The following RIMS3 variants were observed in gnomAD, a reference collection of about 807,000 sequenced individuals.
RIMS3 encodes regulating synaptic membrane exocytosis protein 3.
A neutral mutation model predicts 29.2 loss-of-function variants in RIMS3; 15 were observed. That is an observed-to-expected ratio of 0.51 (90% CI 0.34 to 0.79). The LOEUF (loss-of-function observed/expected upper bound fraction) is 0.79. Ranked by LOEUF, RIMS3 falls within the 30% of genes least tolerant of loss-of-function variation. The pLI is 0.01. For missense variants in RIMS3, 342 were observed against 421.4 expected (o/e 0.81, Z 1.65); for synonymous variants, 161 against 170.1 (o/e 0.95, Z 0.41).
Position 40,636,447 on chromosome 1 carries a change from A to G in RIMS3, c.218-390T>C, listed in dbSNP as rs1347957259. On this transcript the variant is annotated intron_variant, in intron 3 of 7. Transcript: ENST00000372684. This position sits in a 1 kb window ranked among gnomAD's most constrained non-coding sequence, Gnocchi z 4.2. ...TGTGCCTCTTCCCACTCTCTTCTGG[A>G]AAGTTCATCTTCTCTGGGATTCTCA... Among the ~76,000 whole-genome samples, 2 of 152,050 alleles carry G rather than the reference A, an allele frequency of 1.3e-5. No individual in the cohort carries two copies. The highest frequency in any genetic ancestry group is 2.4e-5 in the African/African-American group (1 of 41,374).
rs746393197 is a variant in RIMS3, at chr1:40,635,962, G to A, written c.313C>T (p.Arg105Trp). ...MRSRVTRQGS[R>W]ESTDGSTNSN... ...TTGGTGCTCCCATCGGTGGACTCCC[G>A]GCTGCCCTGGCGTGTGACCCGGCTC... Residue 105 changes from arginine (R) to tryptophan (W), a missense_variant, in exon 4 of 8, where the codon CGG (arginine) becomes TGG (tryptophan). Physicochemically the swap from Arg to Trp is moderately radical, Grantham distance 101 (BLOSUM62 -3). Transcript: ENST00000372684. This position sits in a 1 kb window ranked among gnomAD's most constrained non-coding sequence, Gnocchi z 4.1. The A allele has an allele frequency of 1.9e-5, 31 of 1,611,928 alleles. No individual in the cohort carries two copies. The highest frequency in any genetic ancestry group is 6.7e-5 in the East Asian group (3 of 44,896).
chr1:40,666,503 A>G (rs518437), upstream of RIMS3, among the ~76,000 whole-genome samples: 18,924 of 152,122 alleles, frequency 0.12, 1,295 homozygotes, highest in African/African-American at 0.15. Context: ...TAAACTTCCA[A>G]ATAGACTCCT....
intron 5 of RIMS3, among the ~76,000 whole-genome samples, chr1:40,632,822 C>G (rs1646497892): frequency 6.6e-6 from 1 of 152,080 alleles, no homozygotes; most frequent in African/African-American, 2.4e-5. Flanking sequence ...AATTGAAATA[C>G]CTCATGCAAA....
chr1:40,649,668 C>T (rs140010169), intron 1 of RIMS3, among the ~76,000 whole-genome samples: 6 of 152,318 alleles, frequency 3.9e-5, no homozygotes, highest in East Asian at 3.9e-4. Flanking sequence ...CTCGCCAGAC[C>T]GGACAAAGGA....
At chr1:40,663,469 C>T (rs1317928099) in intron 1 of RIMS3, among the ~76,000 whole-genome samples, 3 of 152,130 alleles carry the variant, frequency 2.0e-5, no homozygotes, top group Non-Finnish European at 2.9e-5. Context: ...AGCCTGCTCC[C>T]CCCTCCCCAG....
At chr1:40,679,137 C>T in the RIMS3 span, among the ~76,000 whole-genome samples, 21 of 152,242 alleles carry the variant, frequency 1.4e-4, no homozygotes, top group Non-Finnish European at 1.5e-4. Context: ...TACCCAACTG[C>T]TGCCCCTCCA....
intron 2 of RIMS3, among the ~76,000 whole-genome samples, chr1:40,642,409 T>C (rs914453919): frequency 2.0e-5 from 3 of 152,198 alleles, no homozygotes; most frequent in Non-Finnish European, 4.4e-5. Flanking sequence ...CAGTAAGTAT[T>C]GGTGGTTATT....
intron 5 of RIMS3, among the ~76,000 whole-genome samples, chr1:40,630,462 C>T (rs1557665775): frequency 6.6e-6 from 1 of 152,170 alleles, no homozygotes; most frequent in Non-Finnish European, 1.5e-5. Context: ...ATGGGCCAGA[C>T]TTTGAATTCA....
At chr1:40,643,150 A>T (rs555378128) in intron 2 of RIMS3, among the ~76,000 whole-genome samples, 78 of 151,046 alleles carry the variant, frequency 5.2e-4, no homozygotes, top group South Asian at 6.3e-4. Flanking sequence ...TTATTTATTT[A>T]TTTTTTTGAG....
Position 40,628,939 on chromosome 1 carries a change from G to A in RIMS3, c.585C>T (p.Ile195=), listed in dbSNP as rs755353151. The A allele has an allele frequency of 6.2e-7, 1 of 1,613,236 alleles. No homozygotes were observed. Among genetic ancestry groups the A allele is most frequent in the Non-Finnish European group, 8.5e-7 (1 of 1,180,006 alleles). Residue 195 remains isoleucine, a synonymous_variant, in exon 7 of 8, where the codon ATC becomes ATT. Coordinates refer to ENST00000372684, the MANE Select transcript of RIMS3 (RefSeq NM_014747.3). Reference sequence around the variant, plus strand: ...CCCCATTCTCCAGCAGGTAAACCTTGATATAGGTGGCTAAGGGAGGAGAGA... The same window carrying A: ...CCCCATTCTCCAGCAGGTAAACCTTAATATAGGTGGCTAAGGGAGGAGAGA... ...PGSKSLPATY[I]KVYLLENGAC... is the part of the protein sequence containing the mutation.
chr1:40,636,142 T>C lies in RIMS3; in HGVS notation c.218-85A>G, dbSNP rs1646518289. Reference sequence around the variant, plus strand: ...TCTCTAAGAGTCCTGCCAAAGTCACTCTCTTGGCATGGGGGGTTGATGGGG... The same window carrying C: ...TCTCTAAGAGTCCTGCCAAAGTCACCCTCTTGGCATGGGGGGTTGATGGGG... On this transcript the variant is annotated intron_variant, in intron 3 of 7. Transcript: ENST00000372684. The surrounding 1 kb of genome is among the most constrained non-coding windows in gnomAD (Gnocchi z 4.2). The C allele has an allele frequency of 7.9e-6, 12 of 1,521,836 alleles. 1 individual carries two copies. In the South Asian group the frequency reaches 1.4e-4, roughly 17 times the overall value. 94.3% of individuals were successfully genotyped at this position (1,521,836 alleles called of 1,614,324 possible).
At position 40,623,645 on chromosome 1, in the gene RIMS3, T is replaced by A. The variant is rs545094006; in HGVS notation, c.*2872A>T. The A allele has an allele frequency of 2.5e-6, 1 of 397,544 alleles. No homozygotes were observed. The highest frequency in any genetic ancestry group is 4.4e-5 in the Admixed American group (1 of 22,700). The allele number at this position is 397,544 out of a possible 1,614,324, so 24.6% of individuals were successfully genotyped here. On this transcript the variant is annotated 3_prime_UTR_variant, in exon 8 of 8. Coordinates refer to ENST00000372684, the MANE Select transcript of RIMS3 (RefSeq NM_014747.3). ...CCAGGGTGGGAGACTTCTGGAGGGA[T>A]CATGTTCCTTCCTTCCCCACCCCCC...
intron 1 of RIMS3, among the ~76,000 whole-genome samples, chr1:40,656,371 CA>C (rs775831449): frequency 2.0e-5 from 3 of 152,300 alleles, no homozygotes; most frequent in Non-Finnish European, 2.9e-5. Flanking sequence ...AAAACAAACA[CA>C]GTAAAAACAG....
At chr1:40,649,364 C>T (rs144295224) in intron 1 of RIMS3, among the ~76,000 whole-genome samples, 4 of 152,184 alleles carry the variant, frequency 2.6e-5, no homozygotes, top group South Asian at 2.1e-4. Context: ...GAAGCAGCCA[C>T]GACAGCCATA....
intron 7 of RIMS3, among the ~76,000 whole-genome samples, chr1:40,627,353 C>A (rs1366704645): frequency 6.6e-6 from 1 of 152,036 alleles, no homozygotes; most frequent in Non-Finnish European, 1.5e-5. Flanking sequence ...CTCAGCCTCC[C>A]GAGTAGCTGG....
At chr1:40,666,054 G>C (rs1472131172), upstream of RIMS3, among the ~76,000 whole-genome samples, 1 of 152,180 alleles carries the variant, frequency 6.6e-6, no homozygotes, top group Non-Finnish European at 1.5e-5. Context: ...AACGTCAGAT[G>C]GTAAGAGAAG....
At chr1:40,659,114 G>A (rs1055732140) in intron 1 of RIMS3, among the ~76,000 whole-genome samples, 2 of 152,180 alleles carry the variant, frequency 1.3e-5, no homozygotes, top group Admixed American at 6.5e-5. Flanking sequence ...GCTTCACAGC[G>A]AAGGTAGCAG....
intron 7 of RIMS3, among the ~76,000 whole-genome samples, chr1:40,627,723 C>A (rs563837754): frequency 3.3e-5 from 5 of 152,106 alleles, no homozygotes; most frequent in African/African-American, 1.2e-4. Flanking sequence ...TGCCTCAGCA[C>A]CTCGAGTAGC....
At position 40,636,476 on chromosome 1, in the gene RIMS3, T is replaced by C. The variant is rs1646520991; in HGVS notation, c.218-419A>G. On this transcript the variant is annotated intron_variant, in intron 3 of 7. Transcript: ENST00000372684. The surrounding 1 kb of genome is among the most constrained non-coding windows in gnomAD (Gnocchi z 4.2). ...TTCATCTTCTCTGGGATTCTCAGAC[T>C]GACTTTCCCTCTTTCAGGCACCCTC... Among the ~76,000 whole-genome samples the C allele has an allele frequency of 1.3e-5, 2 of 152,192 alleles. No homozygotes were observed. Among genetic ancestry groups the C allele is most frequent in the Non-Finnish European group, 2.9e-5 (2 of 68,042 alleles).
Sources: allele counts gnomAD v4.1 joint callset (sites outside exome capture counted in the v4.1 genomes callset), GRCh38; gene constraint gnomAD v4.1.1; non-coding constraint Gnocchi (gnomAD v3.1); transcripts MANE v1.5; gene names NCBI Gene and HGNC (gene_info 2026-07-23, HGNC 2026-07-21).